The following RGS6 variants were observed in gnomAD, a reference collection of about 807,000 sequenced individuals.
RGS6 encodes the protein regulator of G protein signaling 6.
A neutral mutation model predicts 78.5 loss-of-function variants in RGS6; 30 were observed. That is an observed-to-expected ratio of 0.38 (90% CI 0.29 to 0.52). RGS6 has a LOEUF of 0.52. Among genes scored for constraint, RGS6 ranks in the 20% least tolerant of loss-of-function variants. The pLI is 0.85. For missense variants in RGS6, 495 were observed against 609.7 expected (o/e 0.81, Z 1.98); for synonymous variants, 206 against 206.0 (o/e 1.00, Z 0.00).
rs373735617 is a variant in RGS6, at chr14:72,199,950, G to A, written c.85-152145G>A. On this transcript the variant is annotated intron_variant, in intron 2 of 17. Transcript: ENST00000553525. ...TATAAATCCTTAGTCCAATCATTTCGATAGAGATCCTATGGCTTGCAGAGT... is the reference window on the plus strand; with the variant it reads ...TATAAATCCTTAGTCCAATCATTTCAATAGAGATCCTATGGCTTGCAGAGT... Among the ~76,000 whole-genome samples, 42 of 152,232 alleles carry A rather than the reference G, an allele frequency of 2.8e-4. No individual in the cohort carries two copies. In the East Asian group the frequency reaches 3.9e-3, roughly 14 times the overall value.
intron 2 of RGS6, among the ~76,000 whole-genome samples, chr14:72,059,450 G>C (rs1367941671): frequency 6.6e-6 from 1 of 152,136 alleles, no homozygotes; most frequent in African/African-American, 2.4e-5. Flanking sequence ...TGCCTTACTG[G>C]TGCGCTCTCA....
chr14:72,204,391 G>A (rs1350551931), intron 2 of RGS6, among the ~76,000 whole-genome samples: 3 of 152,176 alleles, frequency 2.0e-5, no homozygotes, highest in Non-Finnish European at 4.4e-5. Flanking sequence ...CATCCTAGAA[G>A]GCAGTCCCAG....
chr14:72,420,555 G>A (rs551461947), intron 3 of RGS6, among the ~76,000 whole-genome samples: 17 of 151,910 alleles, frequency 1.1e-4, no homozygotes, highest in South Asian at 6.2e-4. Flanking sequence ...TTTAATAAAC[G>A]TAAAACTTTT....
intron 3 of RGS6, among the ~76,000 whole-genome samples, chr14:72,419,918 C>A (rs930685521): frequency 6.6e-6 from 1 of 152,120 alleles, no homozygotes; most frequent in African/African-American, 2.4e-5. Flanking sequence ...AGAAGTAGAG[C>A]AAAATGGTCC....
At chr14:72,293,465 C>T (rs1432737940) in intron 2 of RGS6, among the ~76,000 whole-genome samples, 1 of 152,096 alleles carries the variant, frequency 6.6e-6, no homozygotes, top group Non-Finnish European at 1.5e-5. Flanking sequence ...CTCTCTCCCT[C>T]TCCCTCTCTT....
At chr14:71,879,060 TG>T in the RGS6 span, among the ~76,000 whole-genome samples, 1 of 152,100 alleles carries the variant, frequency 6.6e-6, no homozygotes, top group Admixed American at 6.6e-5. Flanking sequence ...CACCCTTACC[TG>T]GGTTCTCAAC....
At chr14:72,452,829 T>G (rs1035263606) in intron 3 of RGS6, among the ~76,000 whole-genome samples, 3 of 152,236 alleles carry the variant, frequency 2.0e-5, no homozygotes, top group Admixed American at 6.5e-5. Flanking sequence ...ATTCAGAACC[T>G]TCCAGAAAAC....
intron 2 of RGS6, among the ~76,000 whole-genome samples, chr14:72,084,787 C>T (rs1459187158): frequency 6.6e-6 from 1 of 151,860 alleles, no homozygotes; most frequent in African/African-American, 2.4e-5. Flanking sequence ...AACGAAGACA[C>T]TAAATTTAAT....
At chr14:72,204,013 G>A (rs764384450) in intron 2 of RGS6, among the ~76,000 whole-genome samples, 3 of 151,514 alleles carry the variant, frequency 2.0e-5, no homozygotes, top group Non-Finnish European at 4.4e-5. Flanking sequence ...TTTAGTAGAC[G>A]GGGTTTTGCC....
At chr14:71,890,358 C>CAGAGAGAGAGAGAGAGAGAGAG in the RGS6 span, among the ~76,000 whole-genome samples, 46 of 133,092 alleles carry the variant, frequency 3.5e-4, 1 homozygote, top group Non-Finnish European at 4.5e-4. Flanking sequence ...GTGCATAAGA[C>CAGAGAGAGAGAGAGAGAGAGAG]AGAGAGAGAG....
At chr14:72,440,802 C>A (rs540429154) in intron 3 of RGS6, among the ~76,000 whole-genome samples, 8 of 152,148 alleles carry the variant, frequency 5.3e-5, no homozygotes, top group African/African-American at 1.9e-4. Flanking sequence ...TGTCATTTTT[C>A]AGGGTTTTAG....
At chr14:72,550,672 A>G in intron 17 of RGS6, 1 of 1,475,228 alleles carries the variant, frequency 6.8e-7, no homozygotes, top group Non-Finnish European at 9.0e-7. Context: ...GGAGTCAATC[A>G]ATCACTAGCC....
chr14:72,177,730 C>A (rs1487875662), intron 2 of RGS6, among the ~76,000 whole-genome samples: 2 of 152,064 alleles, frequency 1.3e-5, no homozygotes, highest in African/African-American at 2.4e-5. Context: ...TCCTAAATGG[C>A]CTTTGAGCTT....
intron 2 of RGS6, among the ~76,000 whole-genome samples, chr14:72,311,692 A>G (rs867846086): frequency 3.9e-5 from 6 of 152,188 alleles, no homozygotes; most frequent in Admixed American, 1.3e-4. Context: ...CATCTCTGCA[A>G]TAGGCCACAT....
chr14:71,998,337 C>T (rs1353164295), intron 2 of RGS6, among the ~76,000 whole-genome samples: 1 of 152,196 alleles, frequency 6.6e-6, no homozygotes, highest in Non-Finnish European at 1.5e-5. Context: ...CCCAGCTTGA[C>T]TTTTCCCTTT....
intron 2 of RGS6, among the ~76,000 whole-genome samples, chr14:71,984,630 G>A (rs775204697): frequency 2.8e-4 from 43 of 152,166 alleles, no homozygotes; most frequent in African/African-American, 9.7e-4. Flanking sequence ...TGGGAGCTAC[G>A]TGAACCAAGG....
rs2096187529 is a variant in RGS6 at position 72,474,664 on chromosome 14, T to C, written c.658T>C (p.Cys220Arg). The change falls in exon 10 of 18, where the codon TGT becomes CGT. Residue 220 changes from cysteine to arginine, a missense_variant. Transcript: ENST00000553525. ...VNTTEMDIRK[C>R]RRLKNPQKVK... ...CACAACAGAAATGGATATCCGAAAA[T>C]GTCGACGTTTGAAGAATCCACAAAA... 1.2e-6 allele frequency: 2 copies of C among 1,613,408 alleles called. No individual in the cohort carries two copies. The highest frequency in any genetic ancestry group is 1.7e-6 in the Non-Finnish European group (2 of 1,179,772).
intron 2 of RGS6, among the ~76,000 whole-genome samples, chr14:72,168,596 A>G (rs2096963123): frequency 6.6e-6 from 1 of 152,254 alleles, no homozygotes. Flanking sequence ...TGTTTTGGAT[A>G]TACTATTGGG....
intron 2 of RGS6, among the ~76,000 whole-genome samples, chr14:72,056,022 T>C (rs773214844): frequency 1.3e-5 from 2 of 152,252 alleles, no homozygotes; most frequent in Non-Finnish European, 2.9e-5. Context: ...GGAAGCATTT[T>C]GTTTTGTTTT....
Sources: gnomAD v4.1 joint callset for allele counts (sites outside exome capture counted in the v4.1 genomes callset) on GRCh38, gnomAD v4.1.1 for gene constraint, MANE v1.5 for transcripts, NCBI Gene and HGNC (gene_info 2026-07-23, HGNC 2026-07-21) for gene names.